The following PRDM5 variants were observed in gnomAD, a reference collection of about 807,000 sequenced individuals.
PRDM5 encodes PR domain zinc finger protein 5.
Under a neutral mutation model 81.2 loss-of-function variants are expected in PRDM5, and 56 were observed. The ratio of observed to expected loss-of-function variants is 0.69; its 90% CI spans 0.56 to 0.86. PRDM5 has a LOEUF of 0.86. PRDM5 is among the 40% of genes least tolerant of loss of function. The pLI is 0.00. For missense variants in PRDM5, 697 were observed against 770.1 expected (o/e 0.91, Z 1.12); for synonymous variants, 267 against 256.4 (o/e 1.04, Z -0.39).
At chr4:120,821,574 A>G (rs1755277620) in intron 3 of PRDM5, among the ~76,000 whole-genome samples, 1 of 152,180 alleles carries the variant, frequency 6.6e-6, no homozygotes, top group South Asian at 2.1e-4. Flanking sequence ...GTCAAATGAA[A>G]TTATGTTCAA....
chr4:120,737,515 C>T (rs747342043), intron 14 of PRDM5, among the ~76,000 whole-genome samples: 1 of 152,150 alleles, frequency 6.6e-6, no homozygotes, highest in Non-Finnish European at 1.5e-5. Context: ...ACTTGGCATA[C>T]TTGGGATTAT....
chr4:120,755,035 A>G (rs1228792484), intron 13 of PRDM5, among the ~76,000 whole-genome samples: 1 of 152,200 alleles, frequency 6.6e-6, no homozygotes, highest in African/African-American at 2.4e-5. Context: ...TGATTCATTG[A>G]CACCTTGTTC....
intron 2 of PRDM5, among the ~76,000 whole-genome samples, chr4:120,859,559 T>A (rs1160020880): frequency 2.6e-5 from 4 of 152,106 alleles, no homozygotes; most frequent in Non-Finnish European, 4.4e-5. Flanking sequence ...CATAGTACTT[T>A]CAAGGAACAA....
chr4:120,893,101 T>C (rs1349940621), intron 2 of PRDM5, among the ~76,000 whole-genome samples: 2 of 152,194 alleles, frequency 1.3e-5, no homozygotes, highest in African/African-American at 4.8e-5. Flanking sequence ...GAGTTGCCCA[T>C]GAAAAACATC....
chr4:120,874,951 A>C (rs1762198235), intron 2 of PRDM5, among the ~76,000 whole-genome samples: 1 of 152,158 alleles, frequency 6.6e-6, no homozygotes, highest in South Asian at 2.1e-4. Context: ...TCCTGTTCTA[A>C]GTGTGGTCTG....
intron 15 of PRDM5, among the ~76,000 whole-genome samples, chr4:120,700,461 A>C (rs1287131848): frequency 6.6e-6 from 1 of 152,186 alleles, no homozygotes; most frequent in Non-Finnish European, 1.5e-5. Context: ...CACAAGTGAA[A>C]CCTAATAAAA....
chr4:120,855,671 T>C (rs190259898), intron 2 of PRDM5, among the ~76,000 whole-genome samples: 9 of 152,310 alleles, frequency 5.9e-5, no homozygotes, highest in Non-Finnish European at 1.0e-4. Context: ...CTCACAGCAA[T>C]AGCACCAAAA....
chr4:120,918,632 G>A (rs1224397564), intron 1 of PRDM5, among the ~76,000 whole-genome samples: 1 of 133,648 alleles, frequency 7.5e-6, no homozygotes, highest in Non-Finnish European at 1.6e-5. Flanking sequence ...CTTTACGTCA[G>A]GTATTTTTTT....
chr4:120,713,790 T>C (rs1290268971), intron 14 of PRDM5, among the ~76,000 whole-genome samples: 3 of 152,198 alleles, frequency 2.0e-5, no homozygotes, highest in Admixed American at 1.3e-4. Context: ...TACCATACAC[T>C]GGGTCACTAT....
intron 8 of PRDM5, among the ~76,000 whole-genome samples, chr4:120,807,719 G>C (rs1411863474): frequency 1.3e-5 from 2 of 152,146 alleles, no homozygotes; most frequent in Non-Finnish European, 2.9e-5. Flanking sequence ...TTCCTTCTGA[G>C]GTTCGGATGT....
At chr4:120,811,519 A>C (rs1175207063) in intron 7 of PRDM5, 70 bp from the exon 8 acceptor site, 1 of 944,716 alleles carries the variant, frequency 1.1e-6, no homozygotes, top group African/African-American at 1.6e-5. Flanking sequence ...TAGTGTTTCG[A>C]GGTGATATGT....
intron 2 of PRDM5, chr4:120,896,962 C>T (rs559714862): frequency 1.5e-4 from 23 of 151,746 alleles, no homozygotes; most frequent in African/African-American, 5.1e-4. Context: ...GGATTACAGG[C>T]GCGAGCCACC....
chr4:120,746,231 T>G (rs1289049512), intron 14 of PRDM5, among the ~76,000 whole-genome samples: 51 of 122,232 alleles, frequency 4.2e-4, no homozygotes, highest in African/African-American at 1.3e-3. Context: ...GCTAGCCATA[T>G]GTAGAAAGCT....
intron 13 of PRDM5, among the ~76,000 whole-genome samples, chr4:120,758,793 T>C (rs1297255312): frequency 1.3e-5 from 2 of 151,868 alleles, no homozygotes; most frequent in East Asian, 1.9e-4. Context: ...TCTCGCTCTG[T>C]TGCCCAGGCT....
intron 2 of PRDM5, among the ~76,000 whole-genome samples, chr4:120,890,380 A>C (rs973896691): frequency 9.9e-5 from 15 of 152,180 alleles, no homozygotes; most frequent in Non-Finnish European, 1.5e-5. Flanking sequence ...CCATGATCCA[A>C]TCACCTCCCA....
At chr4:120,821,791 C>T (rs1313621459) in intron 3 of PRDM5, among the ~76,000 whole-genome samples, 1 of 150,038 alleles carries the variant, frequency 6.7e-6, no homozygotes, top group Non-Finnish European at 1.5e-5. Flanking sequence ...AGAGGAAGTG[C>T]AAATAAGTTC....
At chr4:120,892,562 C>G (rs1764174133) in intron 2 of PRDM5, among the ~76,000 whole-genome samples, 1 of 152,204 alleles carries the variant, frequency 6.6e-6, no homozygotes, top group Non-Finnish European at 1.5e-5. Context: ...AGGCCATATC[C>G]TTGCCAGGTC....
intron 14 of PRDM5, among the ~76,000 whole-genome samples, chr4:120,712,372 T>TC (rs1375231914): frequency 6.6e-6 from 1 of 151,092 alleles, no homozygotes; most frequent in African/African-American, 2.5e-5. Context: ...CTCTCTAGTA[T>TC]CAAAAAATCT....
chr4:120,828,808 A>G (rs1486580507), intron 3 of PRDM5, among the ~76,000 whole-genome samples: 5 of 152,074 alleles, frequency 3.3e-5, no homozygotes, highest in African/African-American at 1.2e-4. Context: ...TATATGTGGT[A>G]TATGACAGGA....
Sources: allele counts gnomAD v4.1 joint callset (sites outside exome capture counted in the v4.1 genomes callset), GRCh38; gene constraint gnomAD v4.1.1; transcripts MANE v1.5; gene names NCBI Gene and HGNC (gene_info 2026-07-23, HGNC 2026-07-21).